The following GALNT14 variants were observed in gnomAD, a reference collection of about 807,000 sequenced individuals.
The protein encoded by GALNT14 is UDP-GalNAc:polypeptide N-acetylgalactosaminyltransferase 14.
In GALNT14, 60 loss-of-function variants were observed where a neutral mutation model predicts 77.5. That is an observed-to-expected ratio of 0.77 (90% CI 0.63 to 0.96). The LOEUF is 0.96. Among genes scored for constraint, GALNT14 ranks in the 40% least tolerant of loss-of-function variants. The pLI is 0.00. For synonymous variants in GALNT14, 280 were observed against 281.7 expected (o/e 0.99, Z 0.06); for missense variants, 710 against 731.0 (o/e 0.97, Z 0.33).
chr2:31,082,585 T>C (rs934870543), intron 1 of GALNT14, among the ~76,000 whole-genome samples: 8 of 152,206 alleles, frequency 5.3e-5, no homozygotes, highest in Non-Finnish European at 1.0e-4. Flanking sequence ...GAACTAACTA[T>C]AACCTCTGCC....
chr2:31,000,437 G>C (rs1017494390), intron 1 of GALNT14, among the ~76,000 whole-genome samples: 1 of 94,452 alleles, frequency 1.1e-5, no homozygotes, highest in African/African-American at 5.9e-5. Context: ...ATCACCAACT[G>C]TGTGTGTGTG....
chr2:31,116,324 T>C (rs1366647686), intron 1 of GALNT14, among the ~76,000 whole-genome samples: 2 of 152,150 alleles, frequency 1.3e-5, no homozygotes, highest in East Asian at 3.8e-4. Flanking sequence ...AAGCTGAACA[T>C]TCTTATTAAA....
At chr2:30,940,975 T>C in intron 9 of GALNT14, among the ~76,000 whole-genome samples, 1 of 152,204 alleles carries the variant, frequency 6.6e-6, no homozygotes, top group East Asian at 1.9e-4. Flanking sequence ...ACAGATGCTG[T>C]GGGTCAGGCC....
chr2:31,014,788 T>C (rs191615295), intron 1 of GALNT14, among the ~76,000 whole-genome samples: 11 of 152,278 alleles, frequency 7.2e-5, no homozygotes, highest in African/African-American at 2.6e-4. Context: ...ACCATGTATA[T>C]AGAGTGCAAA....
At chr2:30,953,177 C>CAACTCACAGGCA (rs1412390457) in intron 6 of GALNT14, among the ~76,000 whole-genome samples, 3 of 152,104 alleles carry the variant, frequency 2.0e-5, no homozygotes, top group Non-Finnish European at 4.4e-5. Flanking sequence ...GTAGTGTCAA[C>CAACTCACAGGCA]AACTCACAGG....
intron 8 of GALNT14, among the ~76,000 whole-genome samples, 175 bp from the exon 9 acceptor site, chr2:30,942,479 T>C (rs11889636): frequency 0.18 from 27,968 of 152,240 alleles, 2,625 homozygotes; most frequent in Non-Finnish European, 0.19. Flanking sequence ...AGGGCCAGTA[T>C]ATTTTCCAGT....
intron 1 of GALNT14, among the ~76,000 whole-genome samples, chr2:31,001,608 A>C (rs1301145214): frequency 6.6e-5 from 10 of 152,178 alleles, no homozygotes; most frequent in African/African-American, 1.9e-4. Context: ...CACAAAGCTC[A>C]TCAAAAGATG....
chr2:30,956,015 G>A, intron 4 of GALNT14, 38 bp from the exon 5 acceptor site: 1 of 1,605,408 alleles, frequency 6.2e-7, no homozygotes, highest in Non-Finnish European at 8.5e-7. Context: ...GAGCGCCCAG[G>A]GATGGACCTA....
At chr2:31,134,125 C>G (rs1679111623) in intron 1 of GALNT14, among the ~76,000 whole-genome samples, 1 of 152,180 alleles carries the variant, frequency 6.6e-6, no homozygotes, top group Non-Finnish European at 1.5e-5. Context: ...AGAACAAGGG[C>G]CTGATGGCCC....
At chr2:30,971,420 C>T (rs1668348271) in intron 2 of GALNT14, among the ~76,000 whole-genome samples, 1 of 152,242 alleles carries the variant, frequency 6.6e-6, no homozygotes, top group South Asian at 2.1e-4. Context: ...ACTCTGGTCT[C>T]AGCCTCACCT....
intron 1 of GALNT14, among the ~76,000 whole-genome samples, chr2:31,123,824 C>T (rs1443169546): frequency 6.6e-6 from 1 of 152,208 alleles, no homozygotes; most frequent in East Asian, 1.9e-4. Flanking sequence ...AGATTCTCTT[C>T]TTCCCCTTGG....
At chr2:31,125,290 T>C (rs907583398) in intron 1 of GALNT14, 4 of 1,438,522 alleles carry the variant, frequency 2.8e-6, no homozygotes, top group Non-Finnish European at 3.8e-6. Context: ...AACATGGTCA[T>C]TTCTTTGGCA....
chr2:31,051,341 A>T (rs1412214473), intron 1 of GALNT14, among the ~76,000 whole-genome samples: 1 of 152,184 alleles, frequency 6.6e-6, no homozygotes, highest in African/African-American at 2.4e-5. Context: ...CAATTAGTAG[A>T]CTTTGAGCCA....
rs1243644465 is a variant in GALNT14, at chr2:30,924,099, T to C, written c.1380+20A>G. 4.3e-6 allele frequency: 7 copies of C among 1,614,170 alleles called. No homozygotes were observed. The highest frequency in any genetic ancestry group is 5.1e-6 in the Non-Finnish European group (6 of 1,179,976). On this transcript the variant is annotated intron_variant, in intron 13 of 14. Transcript: ENST00000349752. ...CTCTACTGTGACACATGGTCCTGTA[T>C]GCCCAGCCAGTTACTTTACCTGGGA...
intron 2 of GALNT14, among the ~76,000 whole-genome samples, chr2:30,974,271 C>T (rs1213995377): frequency 6.6e-6 from 1 of 152,248 alleles, no homozygotes; most frequent in Non-Finnish European, 1.5e-5. Context: ...ATCTCTCCAT[C>T]TGGCTGTTTC....
chr2:30,972,970 A>G (rs776146344), intron 2 of GALNT14, among the ~76,000 whole-genome samples: 5 of 152,224 alleles, frequency 3.3e-5, no homozygotes, highest in Non-Finnish European at 5.9e-5. Flanking sequence ...CACATCTATT[A>G]CTAAACAAAA....
intron 1 of GALNT14, among the ~76,000 whole-genome samples, chr2:31,019,527 C>T (rs531133590): frequency 3.7e-4 from 57 of 152,260 alleles, no homozygotes; most frequent in African/African-American, 1.3e-3. Flanking sequence ...CAGAAGAACA[C>T]GGGTCCACCA....
At chr2:30,958,984 C>T (rs544791404) in intron 3 of GALNT14, among the ~76,000 whole-genome samples, 8 of 152,296 alleles carry the variant, frequency 5.3e-5, no homozygotes, top group South Asian at 2.1e-4. Flanking sequence ...ATTGACATCC[C>T]AAATCCTCAG....
chr2:31,053,316 T>C (rs78598976), intron 1 of GALNT14, among the ~76,000 whole-genome samples: 5,273 of 152,190 alleles, frequency 0.035, 304 homozygotes, highest in African/African-American at 0.12. Flanking sequence ...CTGGTAGATC[T>C]GAGACTAAAG....
Sources: gnomAD v4.1 joint callset for allele counts (sites outside exome capture counted in the v4.1 genomes callset) on GRCh38, gnomAD v4.1.1 for gene constraint, MANE v1.5 for transcripts, NCBI Gene and HGNC (gene_info 2026-07-23, HGNC 2026-07-21) for gene names.